THADA: variants seen among roughly 807,000 people sequenced by gnomAD.
THADA encodes the protein tRNA (32-2'-O)-methyltransferase regulator THADA.
THADA carries 213 observed loss-of-function variants against 219.8 expected under a neutral mutation model. The ratio of observed to expected loss-of-function variants is 0.97; its 90% confidence interval spans 0.87 to 1.09. THADA has a LOEUF of 1.09. Among genes scored for constraint, THADA ranks in the 50% least tolerant of loss-of-function variants. The probability of loss-of-function intolerance (pLI) is 0.00; values close to 1 mark genes in which losing one functional copy is unlikely to be tolerated. For missense variants in THADA, 2,956 were observed against 2,311.3 expected, an observed-to-expected ratio of 1.28 and a Z score of -5.72; for synonymous variants, 1,018 against 828.9, an observed-to-expected ratio of 1.23 and a Z score of -3.92.
chr2:43,553,746 G>A lies in THADA; in HGVS notation c.2675-1407C>T, dbSNP rs182407122. On this transcript the variant is annotated intron_variant, in intron 17 of 37. Coordinates refer to ENST00000405975, the MANE Select transcript of THADA (RefSeq NM_022065.5). Reference sequence around the variant, plus strand: ...TTACAATCCCACCAACAGTCTATGCGGGTTCCACTTTCTCTACATCCTCAT... The same window carrying A: ...TTACAATCCCACCAACAGTCTATGCAGGTTCCACTTTCTCTACATCCTCAT... Among the ~76,000 whole-genome samples, 433 of 152,192 alleles carry A rather than the reference G, an allele frequency of 2.8e-3. 9 individuals are homozygous for A. The highest frequency in any genetic ancestry group is 2.1e-3 in the East Asian group (11 of 5,176).
At chr2:43,512,809 T>A (rs1050767863) in intron 22 of THADA, among the ~76,000 whole-genome samples, 3 of 152,214 alleles carry the variant, frequency 2.0e-5, no homozygotes, top group African/African-American at 7.2e-5. Context: ...GCCACAAGTT[T>A]TATTTAAACT....
At chr2:43,290,739 A>C (rs191970069) in intron 34 of THADA, among the ~76,000 whole-genome samples, 1 of 151,830 alleles carries the variant, frequency 6.6e-6, no homozygotes. Flanking sequence ...GGCTGTGTGG[A>C]ATCTGGATCT....
At chr2:43,584,262 G>C (rs951360543) in intron 7 of THADA, among the ~76,000 whole-genome samples, 2 of 152,110 alleles carry the variant, frequency 1.3e-5, no homozygotes, top group African/African-American at 4.8e-5. Context: ...TCCAAGCTGA[G>C]ATGTCCACAA....
chr2:43,356,510 G>T (rs532615661), intron 29 of THADA, among the ~76,000 whole-genome samples: 1 of 151,968 alleles, frequency 6.6e-6, no homozygotes, highest in Non-Finnish European at 1.5e-5. Context: ...GGAAACCAGG[G>T]GTAAAATATC....
chr2:43,330,983 T>C (rs1322883561), intron 30 of THADA, among the ~76,000 whole-genome samples: 1 of 152,214 alleles, frequency 6.6e-6, no homozygotes, highest in Non-Finnish European at 1.5e-5. Context: ...AATATCAGCT[T>C]AGATTAGATC....
intron 26 of THADA, among the ~76,000 whole-genome samples, chr2:43,435,799 A>G (rs927318273): frequency 1.5e-5 from 2 of 134,792 alleles, no homozygotes; most frequent in African/African-American, 5.1e-5. Flanking sequence ...AAAAAAAAAA[A>G]AGAAAGAAAA....
At chr2:43,461,526 G>T (rs976671781) in intron 26 of THADA, among the ~76,000 whole-genome samples, 8 of 152,140 alleles carry the variant, frequency 5.3e-5, no homozygotes, top group Non-Finnish European at 1.2e-4. Context: ...TATGTACCTG[G>T]AAGGAAGAGC....
In THADA at chr2:43,551,897, G is replaced by T. The variant is rs374786657; in HGVS notation, c.2839C>A (p.Pro947Thr). The change falls in exon 19 of 38, where the codon CCT (proline) becomes ACT (threonine). Residue 947 changes from proline to threonine, a missense_variant. By Grantham distance (38) the Pro-to-Thr change is conservative (BLOSUM62 -1). Coordinates refer to ENST00000405975, the MANE Select transcript of THADA (RefSeq NM_022065.5). ...NSLQLVSEWR[P>T]VVEKLLLMSY... ...ATCAAAAGGAGCTTCTCTACCACAG[G>T]TCTCCACTCGCTCACCAACTGCAGG... 238 of 1,613,576 alleles carry T rather than the reference G, an allele frequency of 1.5e-4. No homozygotes were observed. The highest frequency in any genetic ancestry group is 1.8e-4 in the Non-Finnish European group (213 of 1,179,798).
At chr2:43,557,095 A>AC (rs1436507761) in intron 16 of THADA, among the ~76,000 whole-genome samples, 3 of 152,264 alleles carry the variant, frequency 2.0e-5, no homozygotes, top group African/African-American at 4.8e-5. Context: ...TTAAAAGAAA[A>AC]AAAACAAAAC....
chr2:43,504,786 A>C (rs899993473), intron 24 of THADA, among the ~76,000 whole-genome samples: 1 of 152,194 alleles, frequency 6.6e-6, no homozygotes, highest in African/African-American at 2.4e-5. Context: ...GAGGAGGCTG[A>C]GGCATGGGAA....
At chr2:43,240,397 C>T (rs1386382240) in intron 36 of THADA, among the ~76,000 whole-genome samples, 1 of 152,188 alleles carries the variant, frequency 6.6e-6, no homozygotes, top group Non-Finnish European at 1.5e-5. Context: ...TGGTCGTCTT[C>T]ACTTCCCCTT....
At chr2:43,442,415 G>A (rs1558767685) in intron 26 of THADA, among the ~76,000 whole-genome samples, 1 of 152,080 alleles carries the variant, frequency 6.6e-6, no homozygotes, top group Non-Finnish European at 1.5e-5. Context: ...CAGCCTGGGT[G>A]AGCGACAGAG....
chr2:43,263,199 C>T (rs979492560), intron 36 of THADA, among the ~76,000 whole-genome samples: 6 of 152,196 alleles, frequency 3.9e-5, no homozygotes, highest in Non-Finnish European at 8.8e-5. Flanking sequence ...CAACAGCTAT[C>T]CCACTTCCTC....
chr2:43,544,156 C>G (rs1478021887), intron 20 of THADA, among the ~76,000 whole-genome samples: 9 of 152,148 alleles, frequency 5.9e-5, no homozygotes, highest in African/African-American at 2.2e-4. Context: ...TTGTTTTTCT[C>G]AGGTTTGTCA....
In THADA at chr2:43,344,237, C is replaced by T. The variant is rs1233476731; in HGVS notation, c.4228G>A (p.Val1410Ile). The T allele has an allele frequency of 1.9e-6, 3 of 1,590,834 alleles. No homozygotes were observed. In the South Asian group the frequency reaches 3.5e-5, roughly 18 times the overall value. The change falls in exon 30 of 38, where the codon GTT becomes ATT. Residue 1410 changes from valine to isoleucine, a missense_variant and splice_region_variant. Coordinates refer to ENST00000405975, the MANE Select transcript of THADA (RefSeq NM_022065.5). Reference protein sequence around the residue: ...QNHIHGTLLQVFHLLQAYSDS... With the variant: ...QNHIHGTLLQIFHLLQAYSDS... ...GAGTAGGCTTGCAACAAATGAAAAA[C>T]CTAAACCAAAAAAGAAAAAAAAATC... is the stretch of plus-strand genomic sequence containing the variant.
chr2:43,477,139 G>A (rs918088272), intron 26 of THADA, among the ~76,000 whole-genome samples: 3 of 152,082 alleles, frequency 2.0e-5, no homozygotes, highest in Non-Finnish European at 4.4e-5. Flanking sequence ...TATATCTACT[G>A]CTCCTAATAA....
intron 26 of THADA, among the ~76,000 whole-genome samples, chr2:43,457,885 G>A (rs949783963): frequency 6.6e-6 from 1 of 151,360 alleles, no homozygotes; most frequent in African/African-American, 2.4e-5. Context: ...AATCTACATA[G>A]CACCAAACTA....
At chr2:43,557,470 G>A (rs922387273) in intron 16 of THADA, among the ~76,000 whole-genome samples, 5 of 152,058 alleles carry the variant, frequency 3.3e-5, no homozygotes, top group Non-Finnish European at 7.4e-5. Flanking sequence ...AAATCCCCTG[G>A]GAGGCTGTAC....
chr2:43,507,457 T>C (rs1003395866), intron 23 of THADA, among the ~76,000 whole-genome samples: 1 of 152,092 alleles, frequency 6.6e-6, no homozygotes, highest in African/African-American at 2.4e-5. Flanking sequence ...CAGAGTGAAT[T>C]AGAGGCAGGA....
Sources: allele counts gnomAD v4.1 joint callset (sites outside exome capture counted in the v4.1 genomes callset), GRCh38; gene constraint gnomAD v4.1.1; transcripts MANE v1.5; gene names NCBI Gene and HGNC (gene_info 2026-07-23, HGNC 2026-07-21).